The following RNLS variants were observed in gnomAD, a reference collection of about 807,000 sequenced individuals.
The protein encoded by RNLS is renalase, FAD dependent amine oxidase.
RNLS carries 39 observed loss-of-function variants against 39.8 expected under a neutral mutation model. That is an observed-to-expected ratio of 0.98 (90% CI 0.76 to 1.28). RNLS has a LOEUF of 1.28. Ranked by LOEUF, RNLS falls within the 50% of genes most tolerant of loss-of-function variation. The pLI is 0.00. For missense variants in RNLS, 410 were observed against 413.3 expected (o/e 0.99, Z 0.07); for synonymous variants, 147 against 150.7 (o/e 0.98, Z 0.18).
At chr10:88,582,943 C>T in intron 1 of RNLS, 130 bp downstream of exon 1, 1 of 1,126,046 alleles carries the variant, frequency 8.9e-7, no homozygotes, top group South Asian at 1.8e-5. Flanking sequence ...ATGGGCCGCG[C>T]TACACGGCCG....
intron 4 of RNLS, among the ~76,000 whole-genome samples, chr10:88,553,029 T>C (rs1848674963): frequency 6.6e-6 from 1 of 152,154 alleles, no homozygotes; most frequent in Non-Finnish European, 1.5e-5. Flanking sequence ...AGAACCTTAG[T>C]CTATCAGAAT....
chr10:88,180,983 C>G, the RNLS span, among the ~76,000 whole-genome samples: 1 of 152,112 alleles, frequency 6.6e-6, no homozygotes, highest in Non-Finnish European at 1.5e-5. Context: ...TACTGCTACC[C>G]TATTGTGATA....
intron 3 of RNLS, among the ~76,000 whole-genome samples, chr10:88,579,945 C>T (rs1346494666): frequency 4.6e-5 from 7 of 152,180 alleles, no homozygotes; most frequent in Non-Finnish European, 8.8e-5. Flanking sequence ...ATAGGACAAA[C>T]GCATTGATCC....
At chr10:88,221,928 G>T in the RNLS span, among the ~76,000 whole-genome samples, 1 of 152,170 alleles carries the variant, frequency 6.6e-6, no homozygotes, top group Admixed American at 6.5e-5. Flanking sequence ...AAATCTATTT[G>T]TTATAATTGA....
the RNLS span, among the ~76,000 whole-genome samples, chr10:88,260,985 C>T: frequency 1.3e-5 from 2 of 152,174 alleles, no homozygotes; most frequent in African/African-American, 2.4e-5. Context: ...AAACCCAACA[C>T]ACCCAAAGTA....
the RNLS span, among the ~76,000 whole-genome samples, chr10:88,202,604 C>G: frequency 6.6e-6 from 1 of 152,142 alleles, no homozygotes; most frequent in Non-Finnish European, 1.5e-5. Flanking sequence ...AGAGTTTATT[C>G]AACTTCAAAC....
intron 4 of RNLS, among the ~76,000 whole-genome samples, chr10:88,498,499 T>C (rs1845296049): frequency 1.3e-5 from 2 of 149,470 alleles, no homozygotes; most frequent in South Asian, 2.2e-4. Context: ...TCTGTTGTTA[T>C]AAAGGGCATT....
intron 2 of RNLS, 132 bp downstream of exon 2, chr10:88,582,070 T>C (rs914836018): frequency 2.9e-6 from 2 of 685,024 alleles, no homozygotes; most frequent in Admixed American, 3.5e-5. Flanking sequence ...CCTTCTTCCA[T>C]AACACCAACA....
At chr10:88,320,934 C>T (rs999062747) in intron 5 of RNLS, among the ~76,000 whole-genome samples, 2 of 150,144 alleles carry the variant, frequency 1.3e-5, no homozygotes, top group African/African-American at 4.9e-5. Context: ...TTAAATTGGA[C>T]TCTTGACCAA....
At chr10:88,359,856 C>A (rs1334537427) in intron 5 of RNLS, among the ~76,000 whole-genome samples, 2 of 152,160 alleles carry the variant, frequency 1.3e-5, no homozygotes, top group Admixed American at 1.3e-4. Context: ...GATGTATAGT[C>A]CGTTAGGAGA....
rs1203798278 is a variant in RNLS at position 88,563,895 on chromosome 10, C to G, written c.526+9008G>C. ...GCAAAATTATTCAGTCAAATAATGT[C>G]TTATTAATTGAAAACTTTTCTACAT... On this transcript the variant is annotated intron_variant, in intron 4 of 6. Coordinates refer to ENST00000331772, the MANE Select transcript of RNLS (RefSeq NM_001031709.3). 2.6e-5 allele frequency among the ~76,000 whole-genome samples: 4 copies of G among 152,058 alleles called. No individual in the cohort carries two copies. The East Asian group carries it at 5.8e-4, about 22-fold the overall frequency.
the RNLS span, among the ~76,000 whole-genome samples, chr10:88,252,369 G>A: frequency 6.6e-6 from 1 of 152,204 alleles, no homozygotes; most frequent in African/African-American, 2.4e-5. Flanking sequence ...AAGAGGGAAA[G>A]CCTTTATTTT....
intron 5 of RNLS, among the ~76,000 whole-genome samples, chr10:88,335,848 T>G (rs1847449073): frequency 6.6e-6 from 1 of 152,240 alleles, no homozygotes; most frequent in African/African-American, 2.4e-5. Context: ...CTAGGATGAT[T>G]GTTATTCAGT....
chr10:88,278,346 TA>T (rs1842886970), intron 6 of RNLS, among the ~76,000 whole-genome samples: 1 of 152,196 alleles, frequency 6.6e-6, no homozygotes, highest in South Asian at 2.1e-4. Context: ...TTGTAATGGT[TA>T]AAATATATGG....
At chr10:88,449,335 T>G (rs1385788141) in intron 4 of RNLS, among the ~76,000 whole-genome samples, 3 of 152,236 alleles carry the variant, frequency 2.0e-5, no homozygotes, top group Admixed American at 6.5e-5. Flanking sequence ...CATACTTCCA[T>G]TTATTCATGT....
chr10:88,399,337 A>T (rs1252703477), intron 4 of RNLS, among the ~76,000 whole-genome samples: 1 of 152,078 alleles, frequency 6.6e-6, no homozygotes, highest in Non-Finnish European at 1.5e-5. Flanking sequence ...TGTTCGTAAA[A>T]TTTTTATAGC....
downstream of RNLS, among the ~76,000 whole-genome samples, chr10:88,273,578 C>T (rs1329749365): frequency 6.6e-6 from 1 of 152,126 alleles, no homozygotes; most frequent in Non-Finnish European, 1.5e-5. Flanking sequence ...TCAGCCATTT[C>T]CTGTTAGTGT....
intron 4 of RNLS, among the ~76,000 whole-genome samples, chr10:88,487,202 A>T (rs1173941781): frequency 6.6e-6 from 1 of 152,158 alleles, no homozygotes; most frequent in Non-Finnish European, 1.5e-5. Context: ...GGCCTAGTTG[A>T]GAGTAGAAGG....
chr10:88,234,743 A>G, the RNLS span, among the ~76,000 whole-genome samples: 2 of 152,236 alleles, frequency 1.3e-5, no homozygotes, highest in Non-Finnish European at 1.5e-5. Context: ...AGACAGTAAC[A>G]AAGCAGGCAG....
Sources: gnomAD v4.1 joint callset for allele counts (sites outside exome capture counted in the v4.1 genomes callset) on GRCh38, gnomAD v4.1.1 for gene constraint, MANE v1.5 for transcripts, NCBI Gene and HGNC (gene_info 2026-07-23, HGNC 2026-07-21) for gene names.